ELAPOR1: variants seen among roughly 807,000 people sequenced by gnomAD.
ELAPOR1 encodes the protein endosome/lysosome-associated apoptosis and autophagy regulator 1.
A neutral mutation model predicts 119.7 loss-of-function variants in ELAPOR1; 77 were observed. The observed-to-expected ratio is 0.64, with a 90% confidence interval of 0.54 to 0.78. The LOEUF (loss-of-function observed/expected upper bound fraction) is 0.78, where lower values mean the gene tolerates loss of function less well. ELAPOR1 is among the 30% of genes least tolerant of loss of function. The pLI is 0.00. For missense variants in ELAPOR1, 1,115 were observed against 1,270.4 expected (o/e 0.88, Z 1.86); for synonymous variants, 481 against 487.2 (o/e 0.99, Z 0.17).
At chr1:109,158,659 C>T (rs1204297907) in intron 1 of ELAPOR1, among the ~76,000 whole-genome samples, 2 of 152,044 alleles carry the variant, frequency 1.3e-5, no homozygotes, top group African/African-American at 2.4e-5. Flanking sequence ...TAGAATTGTG[C>T]ACAGGGAGGG....
intron 1 of ELAPOR1, among the ~76,000 whole-genome samples, chr1:109,138,097 C>T (rs1649588863): frequency 6.6e-6 from 1 of 152,224 alleles, no homozygotes. Context: ...CACCTCCACC[C>T]AACCCTGCCC....
chr1:109,173,321 G>A (rs934174398), intron 5 of ELAPOR1, among the ~76,000 whole-genome samples, 153 bp from the exon 6 acceptor site: 3 of 152,150 alleles, frequency 2.0e-5, no homozygotes, highest in Admixed American at 1.3e-4. Flanking sequence ...GCTAAGTTGG[G>A]AAGAAGGACA....
intron 1 of ELAPOR1, among the ~76,000 whole-genome samples, chr1:109,121,565 C>T (rs1168665666): frequency 6.6e-6 from 1 of 152,186 alleles, no homozygotes; most frequent in East Asian, 1.9e-4. Context: ...ATTCTCCTGC[C>T]TCAGTCACAC....
intron 8 of ELAPOR1, chr1:109,186,474 A>C: frequency 1.0e-6 from 1 of 984,946 alleles, no homozygotes; most frequent in Non-Finnish European, 1.2e-6. Flanking sequence ...CTAACTAAGC[A>C]TGGGTTAAAG....
chr1:109,144,220 C>T (rs71513966), intron 1 of ELAPOR1, among the ~76,000 whole-genome samples: 4,144 of 150,544 alleles, frequency 0.028, 72 homozygotes, highest in Middle Eastern at 0.051. Flanking sequence ...CCACCATGCC[C>T]GGCTAATTTT....
chr1:109,166,352 A>G (rs1024204759), intron 3 of ELAPOR1, among the ~76,000 whole-genome samples: 1 of 152,142 alleles, frequency 6.6e-6, no homozygotes. Flanking sequence ...CTTGGCTGCT[A>G]ACTTCTGAAA....
intron 18 of ELAPOR1, among the ~76,000 whole-genome samples, chr1:109,199,445 C>T (rs1445027842): frequency 1.3e-5 from 2 of 152,166 alleles, no homozygotes; most frequent in Admixed American, 6.5e-5. Flanking sequence ...GGTATCCATA[C>T]CGGAAGTTCA....
At chr1:109,201,017 A>G (rs1385054528) in intron 21 of ELAPOR1, 117 bp downstream of exon 21, 5 of 909,956 alleles carry the variant, frequency 5.5e-6, no homozygotes, top group African/African-American at 1.7e-5. Flanking sequence ...CCCACGCCCG[A>G]TACAATTCCA....
chr1:109,124,066 C>T (rs144639576), intron 1 of ELAPOR1, among the ~76,000 whole-genome samples: 83 of 152,178 alleles, frequency 5.5e-4, no homozygotes, highest in South Asian at 3.9e-3. Context: ...CCTTCCAAAG[C>T]GCTGGGATTA....
intron 1 of ELAPOR1, among the ~76,000 whole-genome samples, chr1:109,159,562 T>G (rs1651117314): frequency 1.3e-5 from 2 of 152,208 alleles, no homozygotes; most frequent in Non-Finnish European, 2.9e-5. Context: ...TGTTTAATTT[T>G]TAGATTTGGC....
intron 1 of ELAPOR1, among the ~76,000 whole-genome samples, chr1:109,160,783 A>C (rs559394942): frequency 3.9e-4 from 60 of 152,348 alleles, no homozygotes; most frequent in African/African-American, 1.4e-3. Flanking sequence ...GTCAGAGCCA[A>C]AATCATCACT....
intron 11 of ELAPOR1, among the ~76,000 whole-genome samples, chr1:109,190,054 A>G (rs1190447832): frequency 6.6e-6 from 1 of 152,188 alleles, no homozygotes; most frequent in Non-Finnish European, 1.5e-5. Flanking sequence ...ATTGGGAAGG[A>G]TTATTCTTAC....
chr1:109,118,270 A>C (rs1485572289), intron 1 of ELAPOR1, among the ~76,000 whole-genome samples: 1 of 152,200 alleles, frequency 6.6e-6, no homozygotes, highest in African/African-American at 2.4e-5. Context: ...GAGCTTGACG[A>C]AAGGTCCACA....
chr1:109,198,906 C>A (rs1015523618), intron 18 of ELAPOR1, among the ~76,000 whole-genome samples: 1 of 152,212 alleles, frequency 6.6e-6, no homozygotes, highest in Non-Finnish European at 1.5e-5. Context: ...GCAGCAGCTG[C>A]GTAGCATGGT....
chr1:109,137,355 C>T (rs749924219), intron 1 of ELAPOR1, among the ~76,000 whole-genome samples: 53 of 151,166 alleles, frequency 3.5e-4, no homozygotes, highest in Admixed American at 8.6e-4. Flanking sequence ...AGGCATGCAC[C>T]ATGACGCCCA....
intron 7 of ELAPOR1, among the ~76,000 whole-genome samples, chr1:109,182,900 C>T (rs1194366742): frequency 1.3e-5 from 2 of 150,000 alleles, no homozygotes; most frequent in Non-Finnish European, 3.0e-5. Flanking sequence ...CATTCCACTA[C>T]ACCATACTGC....
chr1:109,202,271 C>A (rs1205634814), intron 21 of ELAPOR1, among the ~76,000 whole-genome samples: 1 of 151,544 alleles, frequency 6.6e-6, no homozygotes, highest in African/African-American at 2.4e-5. Context: ...TGCCATCACA[C>A]CTGGCTAATT....
intron 4 of ELAPOR1, 90 bp downstream of exon 4, chr1:109,172,103 G>C (rs1437392557): frequency 6.9e-7 from 1 of 1,442,902 alleles, no homozygotes; most frequent in Non-Finnish European, 9.7e-7. Context: ...GTGTAGCCCT[G>C]CTTGGGGGAA....
At position 109,198,611 on chromosome 1, in the gene ELAPOR1, CA is replaced by C. The variant is rs1186311840; in HGVS notation, c.2440del (p.Thr814ProfsTer92). 1.2e-6 allele frequency: 2 copies of C among 1,614,014 alleles called. No homozygotes were observed. The highest frequency in any genetic ancestry group is 1.1e-5 in the South Asian group (1 of 90,962). ...ACCCAGTCCTGCAGTTCTGGGAGAT[CA>C]ACCACCATCCGCGTCAGGTGCAGTC... ...DVTQSCSSGR[S>X]TTIRVRCSPQ... is the part of the protein sequence containing the mutation. On this transcript the variant is annotated frameshift_variant, in exon 18 of 22. Transcript: ENST00000369939. LOFTEE classifies it high-confidence loss of function.
Sources: allele counts gnomAD v4.1 joint callset (sites outside exome capture counted in the v4.1 genomes callset), GRCh38; gene constraint gnomAD v4.1.1; transcripts MANE v1.5; gene names NCBI Gene and HGNC (gene_info 2026-07-23, HGNC 2026-07-21).